Variants in LIN54 observed in about 807,000 individuals in gnomAD.
The protein encoded by LIN54 is lin-54 DREAM MuvB core complex component, also known as protein lin-54 homolog.
In LIN54, 9 loss-of-function variants were observed where a neutral mutation model predicts 78.7. That is an observed-to-expected ratio of 0.11 (90% CI 0.07 to 0.20). The LOEUF is 0.20. Among genes scored for constraint, LIN54 ranks in the 10% least tolerant of loss-of-function variants. The pLI is 1.00. For synonymous variants in LIN54, 269 were observed against 318.4 expected (o/e 0.84, Z 1.65); for missense variants, 573 against 889.9 (o/e 0.64, Z 4.53).
intron 3 of LIN54, among the ~76,000 whole-genome samples, chr4:82,974,033 AC>A: frequency 6.6e-6 from 1 of 152,084 alleles, no homozygotes; most frequent in Non-Finnish European, 1.5e-5. Flanking sequence ...ACACGGTGAA[AC>A]CCCATCTCTA....
At position 82,965,840 on chromosome 4, in the gene LIN54, A is replaced by G. The variant is rs147461551; in HGVS notation, c.951+4487T>C. 3.7e-4 allele frequency among the ~76,000 whole-genome samples: 56 copies of G among 152,276 alleles called. 1 individual carries two copies. The highest frequency in any genetic ancestry group is 1.3e-3 in the African/African-American group (55 of 41,560). ...AAGGCAGATAGCAGTGAGACTGTTG[A>G]GTGCTGGTGGGTAGGGAAGGGTGAG... On this transcript the variant is annotated intron_variant, in intron 4 of 12. Coordinates refer to ENST00000340417, the MANE Select transcript of LIN54 (RefSeq NM_194282.4).
chr4:83,006,352 G>A (rs1385286749), intron 1 of LIN54, among the ~76,000 whole-genome samples: 1 of 151,880 alleles, frequency 6.6e-6, no homozygotes, highest in African/African-American at 2.4e-5. Context: ...GGGAGGCTGA[G>A]GCAGGAGAAT....
chr4:82,997,732 A>G (rs1202818114), intron 1 of LIN54, among the ~76,000 whole-genome samples: 1 of 151,036 alleles, frequency 6.6e-6, no homozygotes, highest in Non-Finnish European at 1.5e-5. Flanking sequence ...AATAAAAAAT[A>G]ATGTAATCCC....
intron 1 of LIN54, among the ~76,000 whole-genome samples, chr4:83,000,951 G>A (rs1422930903): frequency 6.6e-6 from 1 of 150,840 alleles, no homozygotes; most frequent in African/African-American, 2.4e-5. Flanking sequence ...CCAAATAGCT[G>A]GGATCAAAGG....
intron 3 of LIN54, among the ~76,000 whole-genome samples, chr4:82,971,453 G>C (rs1388577731): frequency 6.6e-6 from 1 of 151,860 alleles, no homozygotes; most frequent in Non-Finnish European, 1.5e-5. Flanking sequence ...CTGTGTCCCT[G>C]AGTTGCTATG....
chr4:82,933,561 A>G (rs201929103), intron 11 of LIN54, among the ~76,000 whole-genome samples: 1 of 152,250 alleles, frequency 6.6e-6, no homozygotes, highest in East Asian at 1.9e-4. Flanking sequence ...ACAAGGTGTC[A>G]AAAGAACAGT....
At chr4:82,946,981 T>A (rs1723405604) in intron 4 of LIN54, among the ~76,000 whole-genome samples, 1 of 151,862 alleles carries the variant, frequency 6.6e-6, no homozygotes, top group Non-Finnish European at 1.5e-5. Context: ...CTTGAACTCC[T>A]GACCTCAGGT....
At chr4:82,945,368 G>T (rs1236705244) in intron 5 of LIN54, among the ~76,000 whole-genome samples, 1 of 152,152 alleles carries the variant, frequency 6.6e-6, no homozygotes, top group Admixed American at 6.6e-5. Context: ...ATATGAAAAA[G>T]GTCATTTATG....
rs1421076398 is a variant in LIN54 at position 82,984,334 on chromosome 4, C to A, written c.511G>T (p.Ala171Ser). ...LPQAQKVTTQ[A>S]QSGDAKLPPQ... Reference sequence around the variant, plus strand: ...GGTAACTTAGCATCTCCTGACTGGGCCTGAGTTGTAACTTTCTGAGCCTGG... The same window carrying A: ...GGTAACTTAGCATCTCCTGACTGGGACTGAGTTGTAACTTTCTGAGCCTGG... The change falls in exon 2 of 13, where the codon GCC becomes TCC. Residue 171 changes from alanine to serine, a missense_variant. Physicochemically the swap from Ala to Ser is moderately conservative, Grantham distance 99. Coordinates refer to ENST00000340417, the MANE Select transcript of LIN54 (RefSeq NM_194282.4). 6.2e-7 allele frequency: 1 copy of A among 1,614,086 alleles called. No individual in the cohort carries two copies. Among genetic ancestry groups the A allele is most frequent in the Non-Finnish European group, 8.5e-7 (1 of 1,180,020 alleles).
intron 4 of LIN54, among the ~76,000 whole-genome samples, chr4:82,960,659 C>A (rs542988182): frequency 6.6e-6 from 1 of 152,136 alleles, no homozygotes; most frequent in African/African-American, 2.4e-5. Context: ...TCTCAAACTC[C>A]TGGTGCCCAG....
intron 1 of LIN54, among the ~76,000 whole-genome samples, chr4:82,997,994 CAAA>C (rs58344267): frequency 1.9e-5 from 2 of 105,246 alleles, no homozygotes; most frequent in African/African-American, 5.7e-5. Context: ...AACTCCATCT[CAAA>C]AAAAAAAAAT....
intron 1 of LIN54, 53 bp from the exon 2 acceptor site, chr4:82,984,929 A>G (rs1402975522): frequency 4.1e-6 from 5 of 1,229,368 alleles, no homozygotes; most frequent in Non-Finnish European, 5.6e-6. Flanking sequence ...AAGATGTAAG[A>G]AAAAAATTCA....
intron 1 of LIN54, among the ~76,000 whole-genome samples, chr4:82,999,552 A>G (rs1026394815): frequency 6.6e-6 from 1 of 151,920 alleles, no homozygotes; most frequent in African/African-American, 2.4e-5. Context: ...TGAGGCAGGC[A>G]GATCACTTGA....
intron 11 of LIN54, among the ~76,000 whole-genome samples, chr4:82,934,504 T>C (rs1158170613): frequency 6.6e-6 from 1 of 152,240 alleles, no homozygotes; most frequent in East Asian, 1.9e-4. Flanking sequence ...TACTCTCCTA[T>C]TCCCTATTCT....
chr4:82,975,010 A>T (rs897991518), intron 3 of LIN54, among the ~76,000 whole-genome samples: 1 of 152,178 alleles, frequency 6.6e-6, no homozygotes, highest in African/African-American at 2.4e-5. Flanking sequence ...GATGGTGGTG[A>T]TGGTTGTATA....
intron 1 of LIN54, among the ~76,000 whole-genome samples, chr4:83,001,118 C>T (rs896362199): frequency 4.6e-5 from 7 of 151,876 alleles, no homozygotes; most frequent in African/African-American, 1.7e-4. Context: ...AAGCCCAGCC[C>T]AAAAGCAATA....
chr4:82,957,340 A>C (rs1724412830), intron 4 of LIN54, among the ~76,000 whole-genome samples: 1 of 152,254 alleles, frequency 6.6e-6, no homozygotes, highest in African/African-American at 2.4e-5. Flanking sequence ...ATAAAGCTTG[A>C]ATCCACCACA....
chr4:82,987,190 C>T (rs1231865758), intron 1 of LIN54, among the ~76,000 whole-genome samples: 1 of 152,172 alleles, frequency 6.6e-6, no homozygotes, highest in Admixed American at 6.5e-5. Context: ...ACTCAGAAGG[C>T]TGAAGCACAA....
chr4:83,009,482 C>G (rs1729678553), intron 1 of LIN54, among the ~76,000 whole-genome samples: 1 of 152,140 alleles, frequency 6.6e-6, no homozygotes, highest in Admixed American at 6.5e-5. Context: ...TTTGCCCAGC[C>G]TAAAAATTTG....
Sources: allele counts gnomAD v4.1 joint callset (sites outside exome capture counted in the v4.1 genomes callset), GRCh38; gene constraint gnomAD v4.1.1; transcripts MANE v1.5; gene names NCBI Gene and HGNC (gene_info 2026-07-23, HGNC 2026-07-21).